Variants in HS6ST3 observed in about 807,000 individuals in gnomAD.
HS6ST3 encodes the protein heparan sulfate 6-O-sulfotransferase 3.
HS6ST3 carries 12 observed loss-of-function variants against 36.7 expected under a neutral mutation model. The observed-to-expected ratio is 0.33, with a 90% CI of 0.21 to 0.53. HS6ST3 has a LOEUF of 0.53. HS6ST3 is among the 20% of genes least tolerant of loss of function. HS6ST3 has a pLI of 0.95. For synonymous variants in HS6ST3, 240 were observed against 257.5 expected, an observed-to-expected ratio of 0.93 and a Z score of 0.65; for missense variants, 584 against 640.9, an observed-to-expected ratio of 0.91 and a Z score of 0.96.
chr13:96,569,230 A>T (rs1406990225), intron 1 of HS6ST3, among the ~76,000 whole-genome samples: 3 of 152,220 alleles, frequency 2.0e-5, no homozygotes, highest in Non-Finnish European at 4.4e-5. Flanking sequence ...TGATAATGTG[A>T]CAGAAAGAAG....
chr13:96,455,680 A>G (rs947371341), intron 1 of HS6ST3, among the ~76,000 whole-genome samples: 1 of 152,246 alleles, frequency 6.6e-6, no homozygotes, highest in Non-Finnish European at 1.5e-5. Context: ...GAACTTGAAT[A>G]AGTGGCTACA....
intron 1 of HS6ST3, among the ~76,000 whole-genome samples, chr13:96,750,897 T>G (rs1351866046): frequency 1.3e-5 from 2 of 152,202 alleles, no homozygotes; most frequent in Admixed American, 1.3e-4. Flanking sequence ...TTTTTGCTTA[T>G]AAAAATTACA....
At chr13:96,475,676 T>G (rs913801907) in intron 1 of HS6ST3, among the ~76,000 whole-genome samples, 33 of 151,722 alleles carry the variant, frequency 2.2e-4, no homozygotes, top group African/African-American at 7.7e-4. Flanking sequence ...TTAGTTTTTC[T>G]AATGATATAT....
chr13:96,169,309 A>G (rs1192880746), intron 1 of HS6ST3, among the ~76,000 whole-genome samples: 1 of 151,264 alleles, frequency 6.6e-6, no homozygotes, highest in African/African-American at 2.4e-5. Flanking sequence ...TGCCTTTTCC[A>G]TGTAAACCAG....
intron 1 of HS6ST3, among the ~76,000 whole-genome samples, chr13:96,095,024 T>C (rs900155912): frequency 1.4e-4 from 21 of 152,208 alleles, no homozygotes; most frequent in African/African-American, 4.6e-4. Context: ...TCATAGCATT[T>C]TATGGCTAAA....
chr13:96,375,682 G>A (rs138837423), intron 1 of HS6ST3, among the ~76,000 whole-genome samples: 29 of 152,242 alleles, frequency 1.9e-4, no homozygotes, highest in African/African-American at 6.7e-4. Context: ...ATTAACATGT[G>A]CCACCTAAAC....
intron 1 of HS6ST3, among the ~76,000 whole-genome samples, chr13:96,504,813 C>T (rs1432562965): frequency 1.3e-5 from 2 of 151,902 alleles, no homozygotes; most frequent in African/African-American, 2.4e-5. Flanking sequence ...GATAGGATGC[C>T]TTATAAAAAT....
intron 1 of HS6ST3, among the ~76,000 whole-genome samples, chr13:96,693,109 T>C (rs1190492077): frequency 6.6e-6 from 1 of 152,200 alleles, no homozygotes; most frequent in African/African-American, 2.4e-5. Context: ...CCTTCTTCTA[T>C]TACCTCACTT....
chr13:96,670,464 A>G lies in HS6ST3; in HGVS notation c.708-162026A>G, dbSNP rs1393261982. Among the ~76,000 whole-genome samples the G allele has an allele frequency of 2.0e-5, 3 of 152,244 alleles. 1 individual carries two copies. Among genetic ancestry groups the G allele is most frequent in the South Asian group, 4.1e-4 (2 of 4,828 alleles). ...ATCAAGAGTAATTTTTTTTAAAGGC[A>G]TGAGATCTTATAGCAAGAATGTATA... is the stretch of plus-strand genomic sequence containing the variant. On this transcript the variant is annotated intron_variant, in intron 1 of 1. Coordinates refer to ENST00000376705, the MANE Select transcript of HS6ST3 (RefSeq NM_153456.4).
intron 1 of HS6ST3, among the ~76,000 whole-genome samples, chr13:96,272,048 A>G (rs915905218): frequency 1.3e-5 from 2 of 152,042 alleles, no homozygotes. Flanking sequence ...AAGCCAAGGT[A>G]TTTATTTAAA....
rs1029495835 is a variant in HS6ST3 at position 96,835,376 on chromosome 13, G to A, written c.*2178G>A. 6.6e-6 allele frequency: 1 copy of A among 152,192 alleles called. No homozygotes were observed. The highest frequency in any genetic ancestry group is 1.5e-5 in the Non-Finnish European group (1 of 68,050). The allele number at this position is 152,192 out of a possible 1,614,324, so 9.4% of individuals were successfully genotyped here. A position where few individuals can be genotyped will look rare whatever the true frequency, so the allele number is the denominator to read the frequency against. On this transcript the variant is annotated 3_prime_UTR_variant, in exon 2 of 2. Coordinates refer to ENST00000376705, the MANE Select transcript of HS6ST3 (RefSeq NM_153456.4). ...TTTTTTAAGCCATATACAAGAGTAA[G>A]TTAAAAGGGGCCAAGTAAATGTTGC... is the stretch of plus-strand genomic sequence containing the variant.
At chr13:96,662,475 G>C (rs931801209) in intron 1 of HS6ST3, among the ~76,000 whole-genome samples, 1 of 149,272 alleles carries the variant, frequency 6.7e-6, no homozygotes, top group Non-Finnish European at 1.5e-5. Flanking sequence ...TTTTTTAATC[G>C]ATCTCTTCTT....
intron 1 of HS6ST3, among the ~76,000 whole-genome samples, chr13:96,223,856 G>A (rs900680315): frequency 1.3e-5 from 2 of 151,954 alleles, no homozygotes; most frequent in Non-Finnish European, 2.9e-5. Flanking sequence ...TATCTAGTTG[G>A]GGGACTTCAA....
At chr13:96,799,996 A>ATG (rs201980136) in intron 1 of HS6ST3, among the ~76,000 whole-genome samples, 6 of 77,210 alleles carry the variant, frequency 7.8e-5, no homozygotes, top group South Asian at 3.4e-4. Flanking sequence ...ATATATATAT[A>ATG]TGTATATATA....
chr13:96,332,831 C>T (rs74503488), intron 1 of HS6ST3, among the ~76,000 whole-genome samples: 2,184 of 152,260 alleles, frequency 0.014, 26 homozygotes, highest in East Asian at 0.054. Context: ...TGTATCTCCC[C>T]CAAATTCATA....
chr13:96,642,049 A>G (rs916064681), intron 1 of HS6ST3, among the ~76,000 whole-genome samples: 2 of 151,862 alleles, frequency 1.3e-5, no homozygotes, highest in Non-Finnish European at 2.9e-5. Context: ...GACTCCCTTT[A>G]GTATTTCTTA....
intron 1 of HS6ST3, among the ~76,000 whole-genome samples, chr13:96,677,260 T>C (rs569394737): frequency 6.6e-6 from 1 of 152,210 alleles, no homozygotes; most frequent in South Asian, 2.1e-4. Flanking sequence ...CCAATAAAGA[T>C]GAAATAAAAT....
chr13:96,258,755 A>G (rs2054650026), intron 1 of HS6ST3, among the ~76,000 whole-genome samples: 1 of 152,200 alleles, frequency 6.6e-6, no homozygotes, highest in South Asian at 2.1e-4. Flanking sequence ...CTAATGAATA[A>G]TGGTCCAACT....
At chr13:96,646,103 G>A (rs560225592) in intron 1 of HS6ST3, among the ~76,000 whole-genome samples, 1 of 151,950 alleles carries the variant, frequency 6.6e-6, no homozygotes, top group Admixed American at 6.6e-5. Context: ...AGTAATAAAA[G>A]CCTCCATTTA....
Sources: gnomAD v4.1 joint callset for allele counts (sites outside exome capture counted in the v4.1 genomes callset) on GRCh38, gnomAD v4.1.1 for gene constraint, MANE v1.5 for transcripts, NCBI Gene and HGNC (gene_info 2026-07-23, HGNC 2026-07-21) for gene names.